KSR2: variants seen among roughly 807,000 people sequenced by gnomAD.
KSR2 encodes kinase suppressor of ras 2.
A neutral mutation model predicts 107.8 loss-of-function variants in KSR2; 25 were observed. The observed-to-expected ratio is 0.23, with a 90% CI of 0.17 to 0.32. The LOEUF is 0.32. Ranked by LOEUF, KSR2 falls within the 10% of genes least tolerant of loss-of-function variation. KSR2 has a pLI of 1.00. For synonymous variants in KSR2, 480 were observed against 507.0 expected, an observed-to-expected ratio of 0.95 and a Z score of 0.71; for missense variants, 887 against 1,268.9, an observed-to-expected ratio of 0.70 and a Z score of 4.57.
chr12:117,860,157 G>A, intron 2 of KSR2, 134 bp downstream of exon 2: 2 of 873,986 alleles, frequency 2.3e-6, no homozygotes, highest in Non-Finnish European at 3.4e-6. Flanking sequence ...TTTTCGTCCA[G>A]CACATATTTA....
chr12:117,878,509 G>A (rs1893935553), intron 1 of KSR2, among the ~76,000 whole-genome samples: 1 of 152,170 alleles, frequency 6.6e-6, no homozygotes, highest in African/African-American at 2.4e-5. Context: ...GGCAGGTGCT[G>A]TACTAGGGGA....
chr12:117,887,784 C>T (rs991257905), intron 1 of KSR2, among the ~76,000 whole-genome samples: 1 of 152,116 alleles, frequency 6.6e-6, no homozygotes, highest in Non-Finnish European at 1.5e-5. Flanking sequence ...CCAATGTTTC[C>T]TTTCATGCAT....
intron 5 of KSR2, among the ~76,000 whole-genome samples, chr12:117,592,660 C>T (rs1880396520): frequency 6.6e-6 from 1 of 152,224 alleles, no homozygotes; most frequent in Non-Finnish European, 1.5e-5. Flanking sequence ...CATTTAATTA[C>T]AGTTTCATAA....
intron 5 of KSR2, among the ~76,000 whole-genome samples, chr12:117,592,229 T>C (rs1593028336): frequency 6.6e-6 from 1 of 151,548 alleles, no homozygotes; most frequent in African/African-American, 2.4e-5. Flanking sequence ...TTCTTCTGCC[T>C]CAGCCTCCTT....
chr12:117,539,972 C>A, intron 9 of KSR2, 85 bp from the exon 10 acceptor site: 4 of 1,115,800 alleles, frequency 3.6e-6, no homozygotes, highest in Non-Finnish European at 5.1e-6. Context: ...AGGAGAGGCC[C>A]CCACCCCAGC....
chr12:117,676,343 A>G (rs1885118164), intron 4 of KSR2, among the ~76,000 whole-genome samples: 1 of 152,238 alleles, frequency 6.6e-6, no homozygotes, highest in South Asian at 2.1e-4. Flanking sequence ...GTGGAGGAAT[A>G]CGCAGTCCTT....
intron 10 of KSR2, among the ~76,000 whole-genome samples, chr12:117,533,106 T>A (rs1456394827): frequency 1.3e-5 from 2 of 151,938 alleles, no homozygotes; most frequent in East Asian, 3.9e-4. Context: ...GAGATAAAAG[T>A]GTATTGAAGG....
chr12:117,599,600 G>A (rs1206031881), intron 5 of KSR2, among the ~76,000 whole-genome samples: 1 of 152,058 alleles, frequency 6.6e-6, no homozygotes, highest in East Asian at 1.9e-4. Context: ...ACAGTCAGCA[G>A]CATCCCTGGC....
At chr12:117,820,845 C>G (rs1891539084) in intron 3 of KSR2, among the ~76,000 whole-genome samples, 1 of 152,194 alleles carries the variant, frequency 6.6e-6, no homozygotes, top group Non-Finnish European at 1.5e-5. Flanking sequence ...TCCATCTGCT[C>G]TACTCCCTGT....
intron 3 of KSR2, among the ~76,000 whole-genome samples, chr12:117,784,205 C>T (rs966109943): frequency 6.6e-6 from 1 of 152,110 alleles, no homozygotes; most frequent in Non-Finnish European, 1.5e-5. Context: ...GTCATAATCC[C>T]TACATGTCAA....
chr12:117,683,199 G>A (rs1885441409), intron 4 of KSR2, among the ~76,000 whole-genome samples: 1 of 151,834 alleles, frequency 6.6e-6, no homozygotes, highest in Non-Finnish European at 1.5e-5. Flanking sequence ...TTATATAGTA[G>A]TCATATATAA....
In KSR2 at chr12:117,458,103, C is replaced by G. The variant is rs1870707211; in HGVS notation, c.*9096G>C. 6.6e-6 allele frequency: 1 copy of G among 152,206 alleles called. No individual in the cohort carries two copies. 9.4% of individuals were successfully genotyped at this position (152,206 alleles called of 1,614,324 possible). ...TCACTCATCACTGAATGCCCAGGGT[C>G]TAACACATAGTAGATGCTCAACAAA... On this transcript the variant is annotated 3_prime_UTR_variant, in exon 20 of 20. Coordinates refer to ENST00000339824, the MANE Select transcript of KSR2 (RefSeq NM_173598.6).
chr12:117,721,614 G>C (rs149617077), intron 4 of KSR2, among the ~76,000 whole-genome samples: 1 of 152,122 alleles, frequency 6.6e-6, no homozygotes, highest in African/African-American at 2.4e-5. Context: ...ACTTCCCAAC[G>C]ACCACTGCTG....
At chr12:117,857,835 T>C (rs1285149030) in intron 2 of KSR2, among the ~76,000 whole-genome samples, 1 of 152,198 alleles carries the variant, frequency 6.6e-6, no homozygotes, top group Non-Finnish European at 1.5e-5. Flanking sequence ...GCTTTCTCCA[T>C]ACTTCAGTCA....
In KSR2 at chr12:117,558,590, G is replaced by T. The variant is rs562010210; in HGVS notation, c.1326-17C>A. The T allele has an allele frequency of 2.5e-6, 4 of 1,609,310 alleles. No individual in the cohort carries two copies. Among genetic ancestry groups the T allele is most frequent in the Non-Finnish European group, 3.4e-6 (4 of 1,175,684 alleles). On this transcript the variant is annotated splice_polypyrimidine_tract_variant and intron_variant, in intron 7 of 19. Coordinates refer to ENST00000339824, the MANE Select transcript of KSR2 (RefSeq NM_173598.6). ...CACTTTAACCTGAGAAAGATAAAGAGAGAGAAAGATGGATAGGTGAATGGC... is the reference window on the plus strand; with the variant it reads ...CACTTTAACCTGAGAAAGATAAAGATAGAGAAAGATGGATAGGTGAATGGC...
At chr12:117,470,760 GTTAATA>G (rs1289569965) in intron 18 of KSR2, among the ~76,000 whole-genome samples, 1 of 152,186 alleles carries the variant, frequency 6.6e-6, no homozygotes, top group Non-Finnish European at 1.5e-5. Context: ...GAGGAAGATT[GTTAATA>G]TTAATGTATA....
chr12:117,702,206 T>A (rs921075499), intron 4 of KSR2, among the ~76,000 whole-genome samples: 3 of 152,142 alleles, frequency 2.0e-5, no homozygotes, highest in Admixed American at 6.6e-5. Context: ...CCTCCCCCAA[T>A]GTCACTGGGC....
At chr12:117,906,625 G>A (rs1397755994) in intron 1 of KSR2, among the ~76,000 whole-genome samples, 1 of 151,762 alleles carries the variant, frequency 6.6e-6, no homozygotes, top group African/African-American at 2.4e-5. Context: ...AAAACTGCTT[G>A]CCTTCACACA....
chr12:117,858,104 CTCTT>C (rs1247352929), intron 2 of KSR2, among the ~76,000 whole-genome samples: 1 of 152,170 alleles, frequency 6.6e-6, no homozygotes, highest in Non-Finnish European at 1.5e-5. Flanking sequence ...TTTAGACAGA[CTCTT>C]TCGGTTTTTA....
Sources: gnomAD v4.1 joint callset for allele counts (sites outside exome capture counted in the v4.1 genomes callset) on GRCh38, gnomAD v4.1.1 for gene constraint, MANE v1.5 for transcripts, NCBI Gene and HGNC (gene_info 2026-07-23, HGNC 2026-07-21) for gene names.